The following CHERP variants were observed in gnomAD, a reference collection of about 807,000 sequenced individuals.
CHERP encodes calcium homeostasis endoplasmic reticulum protein, also known as ERPROT 213-21.
Under a neutral mutation model 113.8 loss-of-function variants are expected in CHERP, and 8 were observed. That is an observed-to-expected ratio of 0.07 (90% CI 0.04 to 0.13). The LOEUF is 0.13. CHERP is among the 10% of genes least tolerant of loss of function. CHERP has a pLI of 1.00. For missense variants in CHERP, 884 were observed against 1,298.2 expected, an observed-to-expected ratio of 0.68 and a Z score of 4.90; for synonymous variants, 559 against 524.5, an observed-to-expected ratio of 1.07 and a Z score of -0.90.
intron 3 of CHERP, among the ~76,000 whole-genome samples, chr19:16,534,571 G>A (rs1197261095): frequency 1.3e-5 from 2 of 152,056 alleles, no homozygotes. Context: ...TTCCTCCCAG[G>A]TTGAAGCAAT....
Position 16,532,722 on chromosome 19 carries a change from C to T in CHERP, c.550G>A (p.Ala184Thr). 6.2e-7 allele frequency: 1 copy of T among 1,611,404 alleles called. No individual in the cohort carries two copies. Among genetic ancestry groups the T allele is most frequent in the Non-Finnish European group, 8.5e-7 (1 of 1,178,152 alleles). The part of the protein sequence containing the change: ...SAGKNWMFSN[A>T]KSPPHCELMA... Reference sequence around the variant, plus strand: ...AGCTCACAGTGCGGCGGGGACTTGGCATTGCTGAACATCCAGTTCTTCCCG... The same window carrying T: ...AGCTCACAGTGCGGCGGGGACTTGGTATTGCTGAACATCCAGTTCTTCCCG... Residue 184 changes from alanine to threonine, a missense_variant, in exon 5 of 17, where the codon GCC (alanine) becomes ACC (threonine). Transcript: ENST00000546361. The surrounding 1 kb of genome is among the most constrained non-coding windows in gnomAD (Gnocchi z 4.4).
rs571923625 is a variant in CHERP at position 16,521,115 on chromosome 19, C to T, written c.2115-203G>A. On this transcript the variant is annotated intron_variant, in intron 12 of 16. Transcript: ENST00000546361. ...AGCCCAGTGGCTCCTCTGGTGCCCA[C>T]GCCCTTGCCACCCTGCTGTTCCGCT... The T allele has an allele frequency of 1.3e-4, 80 of 611,892 alleles. No individual in the cohort carries two copies. In the East Asian group the frequency reaches 1.4e-3, roughly 11 times the overall value. The allele number at this position is 611,892 out of a possible 1,614,324, so 37.9% of individuals were successfully genotyped here. A position where few individuals can be genotyped will look rare whatever the true frequency, so the allele number is the denominator to read the frequency against.
chr19:16,529,629 A>C lies in CHERP; in HGVS notation c.1129+19T>G, dbSNP rs1472197026. On this transcript the variant is annotated intron_variant, in intron 8 of 16. Transcript: ENST00000546361. ...GGGGCTGTTTCCTGGGGGCAGGCTG[A>C]GCTGAGGGAGCCCCGTACCAGGCTG... 6.5e-7 allele frequency: 1 copy of C among 1,533,948 alleles called. No individual in the cohort carries two copies. Among genetic ancestry groups the C allele is most frequent in the African/African-American group, 1.4e-5 (1 of 72,734 alleles).
chr19:16,527,586 G>C (rs746653548), intron 9 of CHERP, among the ~76,000 whole-genome samples: 16 of 152,222 alleles, frequency 1.1e-4, no homozygotes, highest in South Asian at 2.1e-4. Flanking sequence ...CAGCCATGCT[G>C]TGCCACATAA....
At chr19:16,538,922 C>G (rs2085758746) in intron 2 of CHERP, among the ~76,000 whole-genome samples, 1 of 152,012 alleles carries the variant, frequency 6.6e-6, no homozygotes, top group Non-Finnish European at 1.5e-5. Context: ...GATTCTACCC[C>G]TTCACCCCAC....
In CHERP at chr19:16,520,510, G is replaced by A. The variant is rs2085601583; in HGVS notation, c.2202-3C>T. 1 of 1,611,346 alleles carries A rather than the reference G, an allele frequency of 6.2e-7. No individual in the cohort carries two copies. On this transcript the variant is annotated splice_region_variant and splice_polypyrimidine_tract_variant and intron_variant, in intron 13 of 16. Transcript: ENST00000546361. This position sits in a 1 kb window ranked among gnomAD's most constrained non-coding sequence, Gnocchi z 4.0. ...TGCTCCGAGACCTCGAGGGTCCGCT[G>A]TGGGGAGAGGCCTGATGATCAGGTG...
rs899065969 is a variant in CHERP at position 16,523,560 on chromosome 19, G to A, written c.1742-270C>T. On this transcript the variant is annotated intron_variant, in intron 10 of 16. Coordinates refer to ENST00000546361, the MANE Select transcript of CHERP (RefSeq NM_006387.6). This position sits in a 1 kb window ranked among gnomAD's most constrained non-coding sequence, Gnocchi z 4.0. ...CCCAAAACTGCACGGTGAGGGCTAA[G>A]TTGTGACCCTCCGAATCCATACGCT... is the stretch of plus-strand genomic sequence containing the variant. Among the ~76,000 whole-genome samples, 20 of 152,196 alleles carry A rather than the reference G, an allele frequency of 1.3e-4. No homozygotes were observed. The highest frequency in any genetic ancestry group is 1.5e-5 in the Non-Finnish European group (1 of 68,032).
At position 16,520,849 on chromosome 19, in the gene CHERP, C is replaced by T. The variant is rs777399863; in HGVS notation, c.2178G>A (p.Arg726=). 1 of 1,613,944 alleles carries T rather than the reference C, an allele frequency of 6.2e-7. No individual in the cohort carries two copies. Among genetic ancestry groups the T allele is most frequent in the East Asian group, 2.2e-5 (1 of 44,882 alleles). Residue 726 remains arginine, a synonymous_variant, in exon 13 of 17, where the codon AGG becomes AGA. Transcript: ENST00000546361. This position sits in a 1 kb window ranked among gnomAD's most constrained non-coding sequence, Gnocchi z 4.0. ...ACCTGTTCCTCTTCTCCTGGCCTTT[C>T]CTCCGCCGGGCCCGCATTTTTGCTC... ...FFRAKMRARR[R]KGQEKRNSGP...
In CHERP at chr19:16,525,153, G is replaced by C; in HGVS notation, c.1741+89C>G. Reference sequence around the variant, plus strand: ...TCTGTCACTGTGCACTCAGGAGCATGGCAGGGCCACAAGCAGCGCCACCAG... The same window carrying C: ...TCTGTCACTGTGCACTCAGGAGCATCGCAGGGCCACAAGCAGCGCCACCAG... On this transcript the variant is annotated intron_variant, in intron 10 of 16. Transcript: ENST00000546361. The surrounding 1 kb of genome is among the most constrained non-coding windows in gnomAD (Gnocchi z 6.5). 1 of 1,235,722 alleles carries C rather than the reference G, an allele frequency of 8.1e-7. No homozygotes were observed. The allele number at this position is 1,235,722 out of a possible 1,614,324, so 76.5% of individuals were successfully genotyped here.
chr19:16,531,187 G>A (rs888162191), intron 5 of CHERP, among the ~76,000 whole-genome samples: 7 of 152,244 alleles, frequency 4.6e-5, no homozygotes, highest in Non-Finnish European at 8.8e-5. Flanking sequence ...GTGGCGCTGC[G>A]GGTGAAGGGA....
Position 16,530,058 on chromosome 19 carries a change from A to T in CHERP, c.877-158T>A, listed in dbSNP as rs1314042454. On this transcript the variant is annotated intron_variant, in intron 7 of 16. Transcript: ENST00000546361. The surrounding 1 kb of genome is among the most constrained non-coding windows in gnomAD (Gnocchi z 4.1). ...AACAGCCAACACAGTCTGGGCAATCAGTGTGCGCTGGGATCTGGCCAGAGA... is the reference window on the plus strand; with the variant it reads ...AACAGCCAACACAGTCTGGGCAATCTGTGTGCGCTGGGATCTGGCCAGAGA... Among the ~76,000 whole-genome samples the T allele has an allele frequency of 6.6e-6, 1 of 152,198 alleles. No individual in the cohort carries two copies. Among genetic ancestry groups the T allele is most frequent in the Non-Finnish European group, 1.5e-5 (1 of 68,030 alleles).
At chr19:16,542,186 A>G in intron 1 of CHERP, 143 bp from the exon 2 acceptor site, 2 of 1,103,804 alleles carry the variant, frequency 1.8e-6, no homozygotes, top group East Asian at 3.0e-5. Flanking sequence ...GGGTCCCGAT[A>G]GGGGCCACAC....
rs375299260 is a variant in CHERP, at chr19:16,519,291, G to A, written c.2619C>T (p.Gly873=). The A allele has an allele frequency of 1.1e-4, 171 of 1,613,830 alleles. No homozygotes were observed. The highest frequency in any genetic ancestry group is 1.2e-4 in the Non-Finnish European group (143 of 1,180,020). ...GGTCCCACTTATCCCGGACGTCCCC[G>A]CCCTTGATGGGGTCCTGGATCCCTT... ...KEQGIQDPIK[G]GDVRDKWDQY... Residue 873 remains glycine, a synonymous_variant, in exon 17 of 17, where the codon GGC becomes GGT. Transcript: ENST00000546361. The surrounding 1 kb of genome is among the most constrained non-coding windows in gnomAD (Gnocchi z 6.0).
rs765549216 is a variant in CHERP at position 16,521,601 on chromosome 19, G to T, written c.2034C>A (p.Pro678=). The part of the protein sequence containing the change: ...PLDPKDIRLP[P]PMPPSERLLA... ...GCAGCCTCTCGCTGGGCGGCATGGG[G>T]GGTGGGAGGCGGATGTCTTTAGGGT... The change falls in exon 12 of 17, where the codon CCC becomes CCA. Residue 678 remains proline (P), a synonymous_variant. Coordinates refer to ENST00000546361, the MANE Select transcript of CHERP (RefSeq NM_006387.6). 6.2e-7 allele frequency: 1 copy of T among 1,609,914 alleles called. No individual in the cohort carries two copies. Among genetic ancestry groups the T allele is most frequent in the Non-Finnish European group, 8.5e-7 (1 of 1,178,304 alleles).
At position 16,521,679 on chromosome 19, in the gene CHERP, A is replaced by C. The variant is rs370084080; in HGVS notation, c.1981-25T>G. On this transcript the variant is annotated intron_variant, in intron 11 of 16. Transcript: ENST00000546361. ...GCTGCAGCAGAGAACCCCAGCTGTCACCATGCCTGGGCAGAGCCCTCTCAG... is the reference window on the plus strand; with the variant it reads ...GCTGCAGCAGAGAACCCCAGCTGTCCCCATGCCTGGGCAGAGCCCTCTCAG... The C allele has an allele frequency of 1.9e-6, 3 of 1,545,600 alleles. No homozygotes were observed. In the African/African-American group the frequency reaches 4.1e-5, roughly 21 times the overall value.
rs533452642 is a variant in CHERP at position 16,535,244 on chromosome 19, G to A, written c.384+208C>T. Among the ~76,000 whole-genome samples, 13 of 152,334 alleles carry A rather than the reference G, an allele frequency of 8.5e-5. No individual in the cohort carries two copies. The East Asian group carries it at 1.3e-3, about 16-fold the overall frequency. On this transcript the variant is annotated intron_variant, in intron 3 of 16. Transcript: ENST00000546361. This position sits in a 1 kb window ranked among gnomAD's most constrained non-coding sequence, Gnocchi z 4.3. ...GTCCACCCCAGGGTGATGGGTGCAC[G>A]CACGTCCAGTGGCTTCACTGAGATG...
chr19:16,527,980 C>A, intron 9 of CHERP, 100 bp downstream of exon 9: 1 of 1,172,770 alleles, frequency 8.5e-7, no homozygotes, highest in Non-Finnish European at 1.2e-6. Context: ...CCTCATTGTT[C>A]CCCAGTAAGC....
In CHERP at chr19:16,523,389, A is replaced by G; in HGVS notation, c.1742-99T>C. The G allele has an allele frequency of 7.2e-7, 1 of 1,384,726 alleles. No individual in the cohort carries two copies. Among genetic ancestry groups the G allele is most frequent in the Non-Finnish European group, 1.0e-6 (1 of 1,004,192 alleles). The allele number at this position is 1,384,726 out of a possible 1,614,324, so 85.8% of individuals were successfully genotyped here. A position where few individuals can be genotyped will look rare whatever the true frequency, so the allele number is the denominator to read the frequency against. On this transcript the variant is annotated intron_variant, in intron 10 of 16. Coordinates refer to ENST00000546361, the MANE Select transcript of CHERP (RefSeq NM_006387.6). This position sits in a 1 kb window ranked among gnomAD's most constrained non-coding sequence, Gnocchi z 4.0. ...GGCTCAGTGAAGGGCCAGGAGACGAACCCCTCCTGGGAGCCTGTCCAGCAT... is the reference window on the plus strand; with the variant it reads ...GGCTCAGTGAAGGGCCAGGAGACGAGCCCCTCCTGGGAGCCTGTCCAGCAT...
intron 2 of CHERP, among the ~76,000 whole-genome samples, chr19:16,537,236 G>A (rs753806104): frequency 4.1e-5 from 6 of 148,042 alleles, no homozygotes; most frequent in Admixed American, 6.8e-5. Context: ...CGGGCCTGTC[G>A]CAGGTGCTTG....
Sources: gnomAD v4.1 joint callset for allele counts (sites outside exome capture counted in the v4.1 genomes callset) on GRCh38, gnomAD v4.1.1 for gene constraint, Gnocchi (gnomAD v3.1) non-coding constraint, MANE v1.5 for transcripts, NCBI Gene and HGNC (gene_info 2026-07-23, HGNC 2026-07-21) for gene names.